The following ATP6V1C1 variants were observed in gnomAD, a reference collection of about 807,000 sequenced individuals.
The protein encoded by ATP6V1C1 is V-type proton ATPase subunit C 1.
Under a neutral mutation model 53.9 loss-of-function variants are expected in ATP6V1C1, and 45 were observed. That is an observed-to-expected ratio of 0.83 (90% CI 0.66 to 1.07). The LOEUF is 1.07. ATP6V1C1 is among the 50% of genes least tolerant of loss of function. The pLI is 0.00. For synonymous variants in ATP6V1C1, 153 were observed against 155.2 expected (o/e 0.99, Z 0.11); for missense variants, 315 against 440.3 (o/e 0.72, Z 2.55).
At chr8:103,060,837 C>T (rs1817383912) in intron 8 of ATP6V1C1, among the ~76,000 whole-genome samples, 1 of 152,068 alleles carries the variant, frequency 6.6e-6, no homozygotes, top group African/African-American at 2.4e-5. Context: ...TTTGCTGTGT[C>T]CCAGATCTCT....
chr8:103,034,366 G>A (rs1489650304), intron 1 of ATP6V1C1, among the ~76,000 whole-genome samples: 1 of 152,128 alleles, frequency 6.6e-6, no homozygotes, highest in African/African-American at 2.4e-5. Context: ...ACAAGCAGTG[G>A]AGAAGGTGGT....
intron 3 of ATP6V1C1, 51 bp from the exon 4 acceptor site, chr8:103,048,819 G>T: frequency 6.7e-7 from 1 of 1,485,810 alleles, no homozygotes; most frequent in South Asian, 1.1e-5. Context: ...GTATAGAATG[G>T]AATTTAGATC....
chr8:103,047,318 G>T (rs1332719998), intron 3 of ATP6V1C1, among the ~76,000 whole-genome samples: 1 of 151,112 alleles, frequency 6.6e-6, no homozygotes, highest in African/African-American at 2.4e-5. Flanking sequence ...AAGGCAAGAG[G>T]ATCGCTTGAG....
At chr8:103,066,004 T>C (rs1411615979) in intron 11 of ATP6V1C1, among the ~76,000 whole-genome samples, 1 of 151,844 alleles carries the variant, frequency 6.6e-6, no homozygotes, top group East Asian at 1.9e-4. Context: ...ATTGCACCAC[T>C]GCACTCCAGC....
chr8:103,052,091 T>G (rs1817210491), intron 5 of ATP6V1C1, among the ~76,000 whole-genome samples: 1 of 152,040 alleles, frequency 6.6e-6, no homozygotes, highest in African/African-American at 2.4e-5. Flanking sequence ...TCCTTAAGGA[T>G]TTGATCATCT....
rs1200481860 is a variant in ATP6V1C1, at chr8:103,070,580, T to C, written c.*1833T>C. On this transcript the variant is annotated 3_prime_UTR_variant, in exon 13 of 13. Coordinates refer to ENST00000518738, the MANE Select transcript of ATP6V1C1 (RefSeq NM_001695.5). Reference sequence around the variant, plus strand: ...ACTCTCTCTATCATGGGGGGGCATGTTTTGACATTAAATTGACTTTTAAGA... The same window carrying C: ...ACTCTCTCTATCATGGGGGGGCATGCTTTGACATTAAATTGACTTTTAAGA... 1 of 152,230 alleles carries C rather than the reference T, an allele frequency of 6.6e-6. No homozygotes were observed. Among genetic ancestry groups the C allele is most frequent in the African/African-American group, 2.4e-5 (1 of 41,462 alleles). The allele number at this position is 152,230 out of a possible 1,614,324, so 9.4% of individuals were successfully genotyped here. A position where few individuals can be genotyped will look rare whatever the true frequency, so the allele number is the denominator to read the frequency against.
chr8:103,021,637 GCGGGTGT>G (rs1222221514), intron 1 of ATP6V1C1, among the ~76,000 whole-genome samples: 1 of 149,616 alleles, frequency 6.7e-6, no homozygotes, highest in Non-Finnish European at 1.5e-5. Context: ...TGGGGGGGGC[GCGGGTGT>G]CGGGGGTCGG....
At position 103,071,205 on chromosome 8, in the gene ATP6V1C1, T is replaced by C. The variant is rs766193046; in HGVS notation, c.*2458T>C. On this transcript the variant is annotated 3_prime_UTR_variant, in exon 13 of 13. Coordinates refer to ENST00000518738, the MANE Select transcript of ATP6V1C1 (RefSeq NM_001695.5). ...TGGAAAGGGACTGTCCCAAGCCACTTACCTTCCCGAGGAGTCTGCTGGTTC... is the reference window on the plus strand; with the variant it reads ...TGGAAAGGGACTGTCCCAAGCCACTCACCTTCCCGAGGAGTCTGCTGGTTC... 3 of 152,210 alleles carry C rather than the reference T, an allele frequency of 2.0e-5. No homozygotes were observed. The highest frequency in any genetic ancestry group is 7.2e-5 in the African/African-American group (3 of 41,444). 9.4% of individuals were successfully genotyped at this position (152,210 alleles called of 1,614,324 possible).
At chr8:103,048,787 G>A in intron 3 of ATP6V1C1, 83 bp from the exon 4 acceptor site, 1 of 1,161,472 alleles carries the variant, frequency 8.6e-7, no homozygotes, top group Non-Finnish European at 1.3e-6. Flanking sequence ...TCAAATTCAT[G>A]TCTTTATGTA....
chr8:103,042,437 A>T (rs202036945), intron 3 of ATP6V1C1, 30 bp downstream of exon 3: 44 of 1,586,412 alleles, frequency 2.8e-5, no homozygotes, highest in Non-Finnish European at 3.7e-5. Flanking sequence ...GGAGTAGAGC[A>T]AAATGGGAGA....
chr8:103,048,191 A>T (rs1293826402), intron 3 of ATP6V1C1, among the ~76,000 whole-genome samples: 1 of 152,224 alleles, frequency 6.6e-6, no homozygotes, highest in African/African-American at 2.4e-5. Flanking sequence ...AAATGAAAGA[A>T]CTGACAAGGT....
intron 1 of ATP6V1C1, among the ~76,000 whole-genome samples, chr8:103,035,280 G>A (rs1231729502): frequency 1.3e-5 from 2 of 151,158 alleles, no homozygotes; most frequent in South Asian, 2.1e-4. Flanking sequence ...TTTTTTTTGC[G>A]TTTATCTCTA....
intron 8 of ATP6V1C1, among the ~76,000 whole-genome samples, chr8:103,058,664 G>A (rs1817333552): frequency 6.6e-6 from 1 of 152,196 alleles, no homozygotes; most frequent in African/African-American, 2.4e-5. Context: ...GAAGATGAAA[G>A]TGGAATTTTG....
chr8:103,064,507 G>A, intron 10 of ATP6V1C1: 1 of 405,258 alleles, frequency 2.5e-6, no homozygotes. Flanking sequence ...AGTGTCTGTT[G>A]AGATCTCTCT....
chr8:103,034,011 G>A (rs927872978), intron 1 of ATP6V1C1, among the ~76,000 whole-genome samples: 5 of 152,166 alleles, frequency 3.3e-5, no homozygotes, highest in African/African-American at 9.7e-5. Flanking sequence ...AGACATTCAG[G>A]TGGAAAATGT....
intron 1 of ATP6V1C1, among the ~76,000 whole-genome samples, chr8:103,037,150 GAGACAGGATGACAAGA>G (rs1331666719): frequency 6.6e-6 from 1 of 152,144 alleles, no homozygotes; most frequent in Non-Finnish European, 1.5e-5. Context: ...GTGAAGAACA[GAGACAGGATGACAAGA>G]AGACAGGATA....
At chr8:103,040,686 CATTAG>C in intron 1 of ATP6V1C1, 107 bp from the exon 2 acceptor site, 3 of 897,224 alleles carry the variant, frequency 3.3e-6, no homozygotes, top group African/African-American at 1.7e-5. Flanking sequence ...CCTATGCCAA[CATTAG>C]ATTAGTTTTG....
chr8:103,065,547 C>T (rs1817473483), intron 11 of ATP6V1C1, among the ~76,000 whole-genome samples: 1 of 151,208 alleles, frequency 6.6e-6, no homozygotes, highest in Non-Finnish European at 1.5e-5. Context: ...CCAGCCTGGG[C>T]AACAGAGCGA....
intron 1 of ATP6V1C1, among the ~76,000 whole-genome samples, chr8:103,025,443 G>A (rs1028792350): frequency 1.1e-4 from 16 of 152,218 alleles, no homozygotes; most frequent in Non-Finnish European, 1.9e-4. Flanking sequence ...CAAATATTAA[G>A]ATGTTGAGGT....
Sources: allele counts gnomAD v4.1 joint callset (sites outside exome capture counted in the v4.1 genomes callset), GRCh38; gene constraint gnomAD v4.1.1; transcripts MANE v1.5; gene names NCBI Gene and HGNC (gene_info 2026-07-23, HGNC 2026-07-21).